Variants in CSMD2 observed in about 807,000 individuals in gnomAD.
CSMD2 encodes the protein CUB and sushi domain-containing protein 2.
CSMD2 carries 130 observed loss-of-function variants against 398.5 expected under a neutral mutation model. The ratio of observed to expected loss-of-function variants is 0.33; its 90% CI spans 0.28 to 0.38. CSMD2 has a LOEUF of 0.38. CSMD2 is among the 10% of genes least tolerant of loss of function. CSMD2 has a pLI of 1.00. For synonymous variants in CSMD2, 1,828 were observed against 1,908.5 expected, an observed-to-expected ratio of 0.96 and a Z score of 1.10; for missense variants, 3,829 against 4,764.9, an observed-to-expected ratio of 0.80 and a Z score of 5.78.
rs1324202628 is a variant in CSMD2, at chr1:33,600,893, T to C, written c.6828A>G (p.Thr2276=). 7 of 1,614,138 alleles carry C rather than the reference T, an allele frequency of 4.3e-6. No individual in the cohort carries two copies. Among genetic ancestry groups the C allele is most frequent in the Non-Finnish European group, 5.9e-6 (7 of 1,180,020 alleles). ...AGAAAGCTATGGCGAAGATCCCCCC[T>C]GTGGCTGCATCACGGTGGAACTTGA... ...VLLKFHRDAA[T]GGIFAIAFSA... is the part of the protein sequence containing the mutation. The change falls in exon 44 of 71, where the codon ACA becomes ACG. Residue 2276 remains threonine (T), a synonymous_variant. Coordinates refer to ENST00000373381, the MANE Select transcript of CSMD2 (RefSeq NM_001281956.2).
At chr1:33,944,912 G>A (rs1644794896) in intron 3 of CSMD2, among the ~76,000 whole-genome samples, 1 of 152,130 alleles carries the variant, frequency 6.6e-6, no homozygotes, top group African/African-American at 2.4e-5. Context: ...CTTCCCCAGT[G>A]TGGAGTCCAT....
intron 25 of CSMD2, among the ~76,000 whole-genome samples, chr1:33,670,075 T>A (rs1177955088): frequency 2.6e-5 from 4 of 152,208 alleles, no homozygotes; most frequent in Non-Finnish European, 4.4e-5. Flanking sequence ...GCAGCCCTAG[T>A]AAATTCTTCT....
At chr1:33,749,279 T>G (rs1647863196) in intron 13 of CSMD2, among the ~76,000 whole-genome samples, 1 of 151,902 alleles carries the variant, frequency 6.6e-6, no homozygotes. Flanking sequence ...TTTTGTATTT[T>G]TAGTAGAGAC....
intron 25 of CSMD2, among the ~76,000 whole-genome samples, chr1:33,683,316 A>T (rs1644966080): frequency 6.6e-6 from 1 of 152,194 alleles, no homozygotes; most frequent in African/African-American, 2.4e-5. Flanking sequence ...TTTCATGTCT[A>T]TTATAGTAAA....
intron 2 of CSMD2, among the ~76,000 whole-genome samples, chr1:34,073,031 T>G (rs1159932083): frequency 1.3e-5 from 2 of 152,166 alleles, no homozygotes; most frequent in African/African-American, 4.8e-5. Context: ...AAAGCCTGCT[T>G]TGGATTGTGA....
chr1:33,744,545 C>T (rs1236887968), intron 13 of CSMD2, among the ~76,000 whole-genome samples: 1 of 151,586 alleles, frequency 6.6e-6, no homozygotes, highest in Non-Finnish European at 1.5e-5. Context: ...AGTAGCAGAC[C>T]CTGGAATAAG....
intron 13 of CSMD2, among the ~76,000 whole-genome samples, chr1:33,766,832 G>A (rs1650566281): frequency 6.6e-6 from 1 of 152,172 alleles, no homozygotes; most frequent in Admixed American, 6.5e-5. Context: ...ATGAAATAGA[G>A]GCATGCCATG....
At chr1:34,135,282 ACAC>A (rs1191517340) in intron 1 of CSMD2, among the ~76,000 whole-genome samples, 5 of 150,398 alleles carry the variant, frequency 3.3e-5, no homozygotes, top group African/African-American at 7.4e-5. Flanking sequence ...ACACACACAC[ACAC>A]AATTATTTTG....
intron 31 of CSMD2, among the ~76,000 whole-genome samples, chr1:33,634,203 A>G (rs1161748636): frequency 6.6e-6 from 1 of 152,166 alleles, no homozygotes; most frequent in Non-Finnish European, 1.5e-5. Flanking sequence ...GAGTGGGTGT[A>G]CTGATGGCTG....
chr1:33,637,117 A>T (rs1395665987), intron 29 of CSMD2, among the ~76,000 whole-genome samples: 1 of 152,116 alleles, frequency 6.6e-6, no homozygotes, highest in Non-Finnish European at 1.5e-5. Context: ...TGGGGAGTAG[A>T]GCTGGCATCT....
At chr1:34,082,609 G>A (rs558180307) in intron 2 of CSMD2, among the ~76,000 whole-genome samples, 10 of 152,346 alleles carry the variant, frequency 6.6e-5, no homozygotes, top group Admixed American at 4.6e-4. Context: ...CCATGATGAC[G>A]ATGGCGGTTT....
At chr1:34,150,984 G>C (rs918835639) in intron 1 of CSMD2, among the ~76,000 whole-genome samples, 4 of 152,108 alleles carry the variant, frequency 2.6e-5, no homozygotes, top group Admixed American at 1.3e-4. Flanking sequence ...GCTGATAAAG[G>C]GGGGGCGGGG....
At chr1:33,864,112 C>G (rs1570316456) in intron 5 of CSMD2, 2 of 1,385,682 alleles carry the variant, frequency 1.4e-6, no homozygotes, top group Non-Finnish European at 9.8e-7. Context: ...ACAGCACTTT[C>G]TAGATTGCTC....
chr1:34,125,627 T>G (rs1325447487), intron 1 of CSMD2, among the ~76,000 whole-genome samples: 1 of 152,076 alleles, frequency 6.6e-6, no homozygotes, highest in African/African-American at 2.4e-5. Flanking sequence ...CATCAAGCAA[T>G]TTAGGTCAGG....
At chr1:33,725,303 C>T (rs771876220) in intron 17 of CSMD2, 46 bp downstream of exon 17, 1 of 1,564,210 alleles carries the variant, frequency 6.4e-7, no homozygotes, top group Non-Finnish European at 8.8e-7. Flanking sequence ...TTTGACCCAC[C>T]TGGGCTGACC....
chr1:34,151,286 C>T (rs981731882), intron 1 of CSMD2, among the ~76,000 whole-genome samples: 1 of 152,184 alleles, frequency 6.6e-6, no homozygotes, highest in Non-Finnish European at 1.5e-5. Context: ...GCACTAGGTA[C>T]TCAGTGAGTG....
At chr1:33,864,382 C>G in intron 5 of CSMD2, 1 of 1,614,038 alleles carries the variant, frequency 6.2e-7, no homozygotes, top group African/African-American at 1.3e-5. Context: ...GAAGCCCTGG[C>G]CAAACTCGAC....
chr1:33,907,445 TGTGA>T (rs1643169066), intron 5 of CSMD2, among the ~76,000 whole-genome samples: 1 of 152,076 alleles, frequency 6.6e-6, no homozygotes, highest in Non-Finnish European at 1.5e-5. Flanking sequence ...ATCATCTTAA[TGTGA>T]GTGATTTCAG....
intron 1 of CSMD2, among the ~76,000 whole-genome samples, chr1:34,148,010 G>A (rs1184842939): frequency 6.6e-6 from 1 of 152,088 alleles, no homozygotes; most frequent in Non-Finnish European, 1.5e-5. Context: ...GGACTGAGTT[G>A]AGAGGGAGGG....
Sources: allele counts gnomAD v4.1 joint callset (sites outside exome capture counted in the v4.1 genomes callset), GRCh38; gene constraint gnomAD v4.1.1; transcripts MANE v1.5; gene names NCBI Gene and HGNC (gene_info 2026-07-23, HGNC 2026-07-21).